Variants in ALDH7A1 observed in about 807,000 individuals in gnomAD.
ALDH7A1 encodes aldehyde dehydrogenase 7 family member A1, also known as alpha-aminoadipic semialdehyde dehydrogenase.
Under a neutral mutation model 79.9 loss-of-function variants are expected in ALDH7A1, and 63 were observed. The observed-to-expected ratio is 0.79, with a 90% CI of 0.64 to 0.97. ALDH7A1 has a LOEUF of 0.97. Among genes scored for constraint, ALDH7A1 ranks in the 50% least tolerant of loss-of-function variants. ALDH7A1 has a pLI of 0.00. For synonymous variants in ALDH7A1, 240 were observed against 231.2 expected, an observed-to-expected ratio of 1.04 and a Z score of -0.34; for missense variants, 627 against 665.2, an observed-to-expected ratio of 0.94 and a Z score of 0.63.
intron 9 of ALDH7A1, chr5:126,561,871 T>C (rs1750415311): frequency 6.6e-6 from 1 of 152,210 alleles, no homozygotes; most frequent in African/African-American, 2.4e-5. Context: ...TGTCTGCCTG[T>C]GGTCCCAGCT....
intron 12 of ALDH7A1, chr5:126,554,616 C>T: frequency 1.8e-6 from 1 of 555,568 alleles, no homozygotes; most frequent in Non-Finnish European, 3.2e-6. Flanking sequence ...AATTGTAGTG[C>T]AAAAGCAGCC....
Position 126,590,028 on chromosome 5 carries a change from T to TG in ALDH7A1, c.312+2635dup, listed in dbSNP as rs1239030001. Among the ~76,000 whole-genome samples the TG allele has an allele frequency of 3.7e-5, 5 of 133,540 alleles. No individual in the cohort carries two copies. The East Asian group carries it at 1.0e-3, about 27-fold the overall frequency. The allele number at this position is 133,540 out of a possible 152,430, so 87.6% of individuals were successfully genotyped here. ...CTGTCTGGGAAGTGAGGAGTGCCTC[T>TG]GCCCAGCTGCCGCCCCGTCTGGAAA... On this transcript the variant is annotated intron_variant, in intron 3 of 17. Coordinates refer to ENST00000409134, the MANE Select transcript of ALDH7A1 (RefSeq NM_001182.5).
intron 1 of ALDH7A1, chr5:126,593,985 C>CCCT (rs1214011421): frequency 7.0e-6 from 2 of 284,424 alleles, no homozygotes; most frequent in African/African-American, 4.4e-5. Flanking sequence ...AAGACGTGTT[C>CCCT]CCTCTACCAA....
At chr5:126,555,792 C>T in intron 12 of ALDH7A1, 139 bp downstream of exon 12, 1 of 700,590 alleles carries the variant, frequency 1.4e-6, no homozygotes, top group South Asian at 1.5e-5. Context: ...AGACACGATA[C>T]ACCAAAGCCT....
chr5:126,546,849 A>T (rs555275061), intron 16 of ALDH7A1, among the ~76,000 whole-genome samples: 229 of 152,318 alleles, frequency 1.5e-3, no homozygotes, highest in African/African-American at 5.3e-3. Context: ...ATTTGATAGA[A>T]ATACATTAAG....
chr5:126,585,153 C>T (rs1198513400), intron 3 of ALDH7A1, among the ~76,000 whole-genome samples: 2 of 152,094 alleles, frequency 1.3e-5, no homozygotes, highest in African/African-American at 2.4e-5. Context: ...CAAAAATTAG[C>T]CGGGCATGGT....
At chr5:126,564,992 A>C (rs1750520257) in intron 9 of ALDH7A1, among the ~76,000 whole-genome samples, 1 of 152,196 alleles carries the variant, frequency 6.6e-6, no homozygotes, top group South Asian at 2.1e-4. Context: ...GCCAAGAACA[A>C]CAAACTACCG....
chr5:126,568,682 A>G, intron 8 of ALDH7A1: 1 of 349,520 alleles, frequency 2.9e-6, no homozygotes, highest in South Asian at 2.6e-5. Context: ...TTCCAGTTTT[A>G]CAAACTTTTA....
At chr5:126,583,548 T>A (rs780504673) in intron 4 of ALDH7A1, among the ~76,000 whole-genome samples, 1 of 147,728 alleles carries the variant, frequency 6.8e-6, no homozygotes, top group Non-Finnish European at 1.5e-5. Context: ...TCTTAAAAAC[T>A]CTTCTAGCCA....
Position 126,559,375 on chromosome 5 carries a change from G to A in ALDH7A1, c.914-41C>T, listed in dbSNP as rs374241285. 515 of 1,420,994 alleles carry A rather than the reference G, an allele frequency of 3.6e-4. 6 individuals are homozygous for A. The highest frequency in any genetic ancestry group is 5.8e-5 in the Non-Finnish European group (58 of 1,005,846). 88.0% of individuals were successfully genotyped at this position (1,420,994 alleles called of 1,614,324 possible). A position where few individuals can be genotyped will look rare whatever the true frequency, so the allele number is the denominator to read the frequency against. ...ACACTTCCATCAGCGAACCAAAACAGGTAGACAAGGTATTTGTTAGCTGGT... is the reference window on the plus strand; with the variant it reads ...ACACTTCCATCAGCGAACCAAAACAAGTAGACAAGGTATTTGTTAGCTGGT... On this transcript the variant is annotated intron_variant, in intron 10 of 17. Transcript: ENST00000409134.
chr5:126,555,992 A>G lies in ALDH7A1; in HGVS notation c.1032T>C (p.Asp344=). ...RRLFIHESIH[D]EVVNRLKKAY... is the part of the protein sequence containing the mutation. ...CCTTTTTAAGTCTGTTTACAACCTC[A>G]TCATGGATGCTTTCATGTATAAACT... Residue 344 remains aspartate, a synonymous_variant, in exon 12 of 18, where the codon GAT becomes GAC. Transcript: ENST00000409134. 6.2e-7 allele frequency: 1 copy of G among 1,613,448 alleles called. No homozygotes were observed. The highest frequency in any genetic ancestry group is 1.7e-4 in the Middle Eastern group (1 of 6,056).
chr5:126,573,933 G>C (rs2112789901), intron 7 of ALDH7A1, among the ~76,000 whole-genome samples: 1 of 136,800 alleles, frequency 7.3e-6, no homozygotes, highest in South Asian at 2.3e-4. Context: ...GGGAGGCTGA[G>C]ACATGAGAAT....
chr5:126,546,424 T>C (rs755917195), intron 16 of ALDH7A1, 25 bp from the exon 17 acceptor site: 4 of 1,608,916 alleles, frequency 2.5e-6, no homozygotes, highest in Non-Finnish European at 2.6e-6. Flanking sequence ...AATAATATCA[T>C]ATCTTCTGAG....
rs147659515 is a variant in ALDH7A1, at chr5:126,583,028, CATTAA to C, written c.394-59_394-55del. On this transcript the variant is annotated intron_variant, in intron 4 of 17. Transcript: ENST00000409134. ...TTTCCAACAGAATTCACATTATAAA[CATTAA>C]ATTAAAGAAAGGGGGAAGCAAAACA... is the stretch of plus-strand genomic sequence containing the variant. 2,233 of 1,606,802 alleles carry C rather than the reference CATTAA, an allele frequency of 1.4e-3. 28 individuals are homozygous for C. The African/African-American group carries it at 0.027, about 19-fold the overall frequency.
At position 126,572,045 on chromosome 5, in the gene ALDH7A1, A is replaced by C. The variant is rs118050960; in HGVS notation, c.696-1186T>G. Among the ~76,000 whole-genome samples, 7 of 152,336 alleles carry C rather than the reference A, an allele frequency of 4.6e-5. No homozygotes were observed. The East Asian group carries it at 1.3e-3, about 29-fold the overall frequency. On this transcript the variant is annotated intron_variant, in intron 7 of 17. Coordinates refer to ENST00000409134, the MANE Select transcript of ALDH7A1 (RefSeq NM_001182.5). ...TAAATCTGATTTTGAGTCATAAAAA[A>C]ATGGCTAAAATAATTCTGGTTTCTC... is the stretch of plus-strand genomic sequence containing the variant.
At chr5:126,547,704 C>G (rs1267541487) in intron 16 of ALDH7A1, among the ~76,000 whole-genome samples, 1 of 152,166 alleles carries the variant, frequency 6.6e-6, no homozygotes, top group Non-Finnish European at 1.5e-5. Flanking sequence ...TGAAAGCACA[C>G]TAGTTAGAAA....
chr5:126,576,209 G>A (rs1581387469), intron 6 of ALDH7A1, among the ~76,000 whole-genome samples: 1 of 146,250 alleles, frequency 6.8e-6, no homozygotes, highest in Non-Finnish European at 1.5e-5. Context: ...CTTGCAGAGA[G>A]CCGAGACCGC....
Position 126,570,836 on chromosome 5 carries a change from T to C in ALDH7A1, c.719A>G (p.Asp240Gly). 1 of 1,614,006 alleles carries C rather than the reference T, an allele frequency of 6.2e-7. No homozygotes were observed. The highest frequency in any genetic ancestry group is 8.5e-7 in the Non-Finnish European group (1 of 1,179,906). Reference protein sequence around the residue: ...VTKIIAKVLEDNKLPGAICSL... With the variant: ...VTKIIAKVLEGNKLPGAICSL... Reference sequence around the variant, plus strand: ...ACAAATTGCACCAGGCAGCTTGTTGTCCTCCAGAACCTTGGCTATTATCCT... The same window carrying C: ...ACAAATTGCACCAGGCAGCTTGTTGCCCTCCAGAACCTTGGCTATTATCCT... Residue 240 changes from aspartate to glycine, a missense_variant, in exon 8 of 18, where the codon GAC becomes GGC. Asp to Gly is a moderately conservative substitution (Grantham distance 94, BLOSUM62 -1). Transcript: ENST00000409134.
rs377542432 is a variant in ALDH7A1, at chr5:126,550,312, G to C, written c.1318-19C>G. 1.3e-6 allele frequency: 2 copies of C among 1,559,914 alleles called. No individual in the cohort carries two copies. The highest frequency in any genetic ancestry group is 1.1e-5 in the South Asian group (1 of 90,052). ...CTTCATTCTAAAAGGAGAGACATTG[G>C]AAGCTGTAAGATGTTATAGTGTTCA... is the stretch of plus-strand genomic sequence containing the variant. On this transcript the variant is annotated intron_variant, in intron 14 of 17. Transcript: ENST00000409134.
Sources: allele counts gnomAD v4.1 joint callset (sites outside exome capture counted in the v4.1 genomes callset), GRCh38; gene constraint gnomAD v4.1.1; transcripts MANE v1.5; gene names NCBI Gene and HGNC (gene_info 2026-07-23, HGNC 2026-07-21).